The following ZC3H12C variants were observed in gnomAD, a reference collection of about 807,000 sequenced individuals.
ZC3H12C encodes the protein zinc finger CCCH-type containing 12C, also known as probable ribonuclease ZC3H12C.
In ZC3H12C, 20 loss-of-function variants were observed where a neutral mutation model predicts 76.3. The observed-to-expected ratio is 0.26, with a 90% confidence interval of 0.18 to 0.38. The LOEUF (loss-of-function observed/expected upper bound fraction) is 0.38. Ranked by LOEUF, ZC3H12C falls within the 10% of genes least tolerant of loss-of-function variation. ZC3H12C has a pLI of 1.00. For synonymous variants in ZC3H12C, 352 were observed against 399.6 expected (o/e 0.88, Z 1.42); for missense variants, 874 against 1,086.5 (o/e 0.80, Z 2.75).
At chr11:110,108,271 G>A (rs1201154202) in intron 1 of ZC3H12C, among the ~76,000 whole-genome samples, 1 of 152,148 alleles carries the variant, frequency 6.6e-6, no homozygotes, top group Non-Finnish European at 1.5e-5. Flanking sequence ...GGAGTCTTAA[G>A]ATCATGATCT....
chr11:110,133,421 C>A (rs1861900061), intron 1 of ZC3H12C, among the ~76,000 whole-genome samples: 1 of 152,002 alleles, frequency 6.6e-6, no homozygotes, highest in South Asian at 2.1e-4. Flanking sequence ...TCTGAGCTAA[C>A]CAATGAAATC....
At chr11:110,120,021 C>T (rs563637258) in intron 1 of ZC3H12C, among the ~76,000 whole-genome samples, 102 of 152,254 alleles carry the variant, frequency 6.7e-4, no homozygotes, top group Middle Eastern at 3.4e-3. Flanking sequence ...TTATCTAAGA[C>T]GCCTTCCCTG....
intron 2 of ZC3H12C, among the ~76,000 whole-genome samples, chr11:110,138,077 A>G (rs1862002989): frequency 6.6e-6 from 1 of 152,020 alleles, no homozygotes; most frequent in Non-Finnish European, 1.5e-5. Context: ...AACATAGGGA[A>G]ACACCTCTAC....
chr11:110,145,608 G>A (rs574801771), intron 2 of ZC3H12C, among the ~76,000 whole-genome samples: 1 of 150,050 alleles, frequency 6.7e-6, no homozygotes, highest in African/African-American at 2.5e-5. Flanking sequence ...TGGGGGCGGG[G>A]GGGAGTTGCA....
chr11:110,131,977 G>A (rs1861874774), intron 1 of ZC3H12C, among the ~76,000 whole-genome samples: 1 of 152,154 alleles, frequency 6.6e-6, no homozygotes, highest in Non-Finnish European at 1.5e-5. Context: ...TCCCTCCTTT[G>A]TTAGCTAGAG....
At chr11:110,116,547 C>T (rs1861529671) in intron 1 of ZC3H12C, among the ~76,000 whole-genome samples, 1 of 152,096 alleles carries the variant, frequency 6.6e-6, no homozygotes. Context: ...AAGCTTTTGC[C>T]TGCATAATAT....
chr11:110,139,687 A>G (rs1862033799), intron 2 of ZC3H12C, among the ~76,000 whole-genome samples: 1 of 152,150 alleles, frequency 6.6e-6, no homozygotes, highest in Admixed American at 6.5e-5. Context: ...AAGCCATAAA[A>G]TTGCCAAACG....
intron 1 of ZC3H12C, among the ~76,000 whole-genome samples, chr11:110,121,489 T>A (rs1281760179): frequency 6.6e-6 from 1 of 152,254 alleles, no homozygotes; most frequent in Non-Finnish European, 1.5e-5. Context: ...GAATTCTTAA[T>A]TTAATGCCTA....
At chr11:110,120,916 TC>T (rs1353024749) in intron 1 of ZC3H12C, among the ~76,000 whole-genome samples, 8 of 152,188 alleles carry the variant, frequency 5.3e-5, no homozygotes, top group Non-Finnish European at 1.2e-4. Context: ...ATTTAGCTAA[TC>T]TTCAATAATA....
chr11:110,107,530 T>G lies in ZC3H12C; in HGVS notation c.21+14098T>G, dbSNP rs149451330. Among the ~76,000 whole-genome samples the G allele has an allele frequency of 1.3e-4, 20 of 152,162 alleles. No individual in the cohort carries two copies. In the East Asian group the frequency reaches 1.4e-3, roughly 10 times the overall value. ...ATACCCAGCTAATTTTTCCTTTTTT[T>G]TTGTTTTTTTTTAAGACGGAGTTTT... On this transcript the variant is annotated intron_variant, in intron 1 of 5. Coordinates refer to ENST00000278590, the MANE Select transcript of ZC3H12C (RefSeq NM_033390.2).
rs537746167 is a variant in ZC3H12C at position 110,153,625 on chromosome 11, C to A, written c.913+567C>A. Among the ~76,000 whole-genome samples, 7 of 152,070 alleles carry A rather than the reference C, an allele frequency of 4.6e-5. 1 individual carries two copies. The highest frequency in any genetic ancestry group is 1.7e-4 in the African/African-American group (7 of 41,474). ...TGAAATTCTGACCTTTAGAGAGATGCCAGAAGTCACAAGACCTGGATCCAA... is the reference window on the plus strand; with the variant it reads ...TGAAATTCTGACCTTTAGAGAGATGACAGAAGTCACAAGACCTGGATCCAA... On this transcript the variant is annotated intron_variant, in intron 3 of 5. Transcript: ENST00000278590.
Position 110,167,424 on chromosome 11 carries a change from A to T in ZC3H12C, c.*1687A>T, listed in dbSNP as rs1862604268. The T allele has an allele frequency of 6.6e-6, 1 of 152,230 alleles. No individual in the cohort carries two copies. The highest frequency in any genetic ancestry group is 1.5e-5 in the Non-Finnish European group (1 of 68,026). 9.4% of individuals were successfully genotyped at this position (152,230 alleles called of 1,614,324 possible). On this transcript the variant is annotated 3_prime_UTR_variant, in exon 6 of 6. Transcript: ENST00000278590. ...ATTGAGGTCTAGAATAGATTAGAAA[A>T]TAAAAATAACAATTTAGATAAATAG... is the stretch of plus-strand genomic sequence containing the variant.
intron 1 of ZC3H12C, among the ~76,000 whole-genome samples, chr11:110,103,179 A>G (rs1861250589): frequency 6.6e-6 from 1 of 152,204 alleles, no homozygotes; most frequent in Non-Finnish European, 1.5e-5. Context: ...ATACCCAAAC[A>G]TTTAAAATTT....
Position 110,167,709 on chromosome 11 carries a change from G to A in ZC3H12C, c.*1972G>A, listed in dbSNP as rs928482546. On this transcript the variant is annotated 3_prime_UTR_variant, in exon 6 of 6. Coordinates refer to ENST00000278590, the MANE Select transcript of ZC3H12C (RefSeq NM_033390.2). ...ATTGACATAACCAATAATCTGAACCGTGTTCAGCAAACTTAATTCAGGAAA... is the reference window on the plus strand; with the variant it reads ...ATTGACATAACCAATAATCTGAACCATGTTCAGCAAACTTAATTCAGGAAA... 2.0e-5 allele frequency: 3 copies of A among 152,134 alleles called. No homozygotes were observed. Among genetic ancestry groups the A allele is most frequent in the African/African-American group, 7.2e-5 (3 of 41,438 alleles). 9.4% of individuals were successfully genotyped at this position (152,134 alleles called of 1,614,324 possible).
chr11:110,140,390 T>C lies in ZC3H12C; in HGVS notation c.773+2976T>C, dbSNP rs527340542. ...CTAAAAGTGTTTGAGTTCTTCAATA[T>C]TCTTCCATGACCTAGTCATCTGACT... On this transcript the variant is annotated intron_variant, in intron 2 of 5. Coordinates refer to ENST00000278590, the MANE Select transcript of ZC3H12C (RefSeq NM_033390.2). Among the ~76,000 whole-genome samples the C allele has an allele frequency of 2.6e-5, 4 of 152,364 alleles. No individual in the cohort carries two copies. In the South Asian group the frequency reaches 8.3e-4, roughly 32 times the overall value.
At chr11:110,135,490 CAA>C (rs60107794) in intron 1 of ZC3H12C, among the ~76,000 whole-genome samples, 6 of 95,320 alleles carry the variant, frequency 6.3e-5, no homozygotes, top group Admixed American at 4.3e-4. Flanking sequence ...ACTCCCGTCT[CAA>C]AAAAAAAAAA....
intron 1 of ZC3H12C, among the ~76,000 whole-genome samples, chr11:110,116,522 A>G (rs1253318463): frequency 1.3e-5 from 2 of 152,208 alleles, no homozygotes; most frequent in Admixed American, 6.5e-5. Flanking sequence ...GGTAAGAACT[A>G]ATGGGACACA....
intron 1 of ZC3H12C, among the ~76,000 whole-genome samples, chr11:110,117,989 T>TACAC (rs377407994): frequency 7.4e-5 from 3 of 40,788 alleles, no homozygotes; most frequent in African/African-American, 1.9e-4. Context: ...ATTATATATA[T>TACAC]ACACACATAT....
In ZC3H12C at chr11:110,170,091, C is replaced by T. The variant is rs1862649208; in HGVS notation, c.*4354C>T. ...AAGAAAATCTGGTAGTTTTTGATGT[C>T]CTTCAAAAGAGGATTGTTAGACATT... is the stretch of plus-strand genomic sequence containing the variant. On this transcript the variant is annotated 3_prime_UTR_variant, in exon 6 of 6. Coordinates refer to ENST00000278590, the MANE Select transcript of ZC3H12C (RefSeq NM_033390.2). 6.6e-6 allele frequency: 1 copy of T among 152,090 alleles called. No homozygotes were observed. The highest frequency in any genetic ancestry group is 1.5e-5 in the Non-Finnish European group (1 of 67,986). 9.4% of individuals were successfully genotyped at this position (152,090 alleles called of 1,614,324 possible). A position where few individuals can be genotyped will look rare whatever the true frequency, so the allele number is the denominator to read the frequency against.
Sources: allele counts gnomAD v4.1 joint callset (sites outside exome capture counted in the v4.1 genomes callset), GRCh38; gene constraint gnomAD v4.1.1; transcripts MANE v1.5; gene names NCBI Gene and HGNC (gene_info 2026-07-23, HGNC 2026-07-21).